Variants in ROBO1 observed in about 807,000 individuals in gnomAD.
ROBO1 encodes the protein roundabout homolog 1.
A neutral mutation model predicts 195.9 loss-of-function variants in ROBO1; 149 were observed. The observed-to-expected ratio is 0.76, with a 90% CI of 0.67 to 0.87. ROBO1 has a LOEUF of 0.87. ROBO1 is among the 40% of genes least tolerant of loss of function. The pLI, the probability that ROBO1 is intolerant of heterozygous loss-of-function variation, is 0.00. For missense variants in ROBO1, 1,933 were observed against 2,068.3 expected, an observed-to-expected ratio of 0.93 and a Z score of 1.27; for synonymous variants, 816 against 733.2, an observed-to-expected ratio of 1.11 and a Z score of -1.82.
At chr3:78,770,333 A>G (rs769821068) in intron 4 of ROBO1, among the ~76,000 whole-genome samples, 3 of 152,138 alleles carry the variant, frequency 2.0e-5, no homozygotes, top group Non-Finnish European at 4.4e-5. Flanking sequence ...ATGGTGTGAG[A>G]TGGTATCTCA....
At chr3:78,621,987 G>A (rs943157694) in intron 26 of ROBO1, among the ~76,000 whole-genome samples, 1 of 152,058 alleles carries the variant, frequency 6.6e-6, no homozygotes, top group African/African-American at 2.4e-5. Context: ...AATCAAACAA[G>A]TAAATGTTCA....
intron 4 of ROBO1, among the ~76,000 whole-genome samples, chr3:78,922,390 A>C (rs1444040394): frequency 6.6e-6 from 1 of 152,052 alleles, no homozygotes; most frequent in Admixed American, 6.6e-5. Context: ...AGGTCCTATC[A>C]TCAGGCTAAA....
intron 1 of ROBO1, among the ~76,000 whole-genome samples, chr3:79,647,922 C>A (rs981268029): frequency 5.3e-5 from 8 of 152,042 alleles, no homozygotes; most frequent in African/African-American, 1.9e-4. Flanking sequence ...GTGTCTAGCT[C>A]ACATTTATTT....
chr3:79,681,999 G>A (rs1946963180), intron 1 of ROBO1, among the ~76,000 whole-genome samples: 1 of 151,626 alleles, frequency 6.6e-6, no homozygotes, highest in African/African-American at 2.4e-5. Flanking sequence ...CAAACTTAGG[G>A]GCTTTAATTT....
chr3:78,932,215 C>T (rs920286787), intron 4 of ROBO1, among the ~76,000 whole-genome samples: 2 of 152,022 alleles, frequency 1.3e-5, no homozygotes, highest in Admixed American at 6.6e-5. Flanking sequence ...ACCAGATGCA[C>T]CTTCTCATTT....
At chr3:78,718,170 A>G (rs2081949327) in intron 5 of ROBO1, among the ~76,000 whole-genome samples, 2 of 152,200 alleles carry the variant, frequency 1.3e-5, no homozygotes, top group Admixed American at 1.3e-4. Flanking sequence ...GTTATTTCAT[A>G]TTATTTAGTT....
intron 1 of ROBO1, among the ~76,000 whole-genome samples, chr3:79,751,522 G>C (rs1704129941): frequency 6.6e-6 from 1 of 152,052 alleles, no homozygotes; most frequent in African/African-American, 2.4e-5. Context: ...ATTTAGCTAA[G>C]TGCTATTGTT....
intron 3 of ROBO1, among the ~76,000 whole-genome samples, chr3:79,005,213 T>C (rs2077592765): frequency 6.6e-6 from 1 of 152,198 alleles, no homozygotes; most frequent in Non-Finnish European, 1.5e-5. Flanking sequence ...TTACTGCACC[T>C]GACCTCTTCC....
chr3:79,089,859 A>G (rs2079442553), intron 3 of ROBO1, among the ~76,000 whole-genome samples: 1 of 151,890 alleles, frequency 6.6e-6, no homozygotes, highest in South Asian at 2.1e-4. Context: ...GGCGTTGTGT[A>G]TTCTTTTTCT....
At chr3:78,685,463 GT>G (rs3832209) in intron 10 of ROBO1, among the ~76,000 whole-genome samples, 43,018 of 151,946 alleles carry the variant, frequency 0.28, 6,466 homozygotes, top group African/African-American at 0.38. Flanking sequence ...AATATTTTTT[GT>G]TTTTCCAAAA....
Position 78,938,921 on chromosome 3 carries a change from C to A in ROBO1, c.179G>T (p.Arg60Leu). 1 of 1,604,080 alleles carries A rather than the reference C, an allele frequency of 6.2e-7. No homozygotes were observed. Among genetic ancestry groups the A allele is most frequent in the Non-Finnish European group, 8.5e-7 (1 of 1,174,920 alleles). Residue 60 changes from arginine to leucine, a missense_variant, in exon 4 of 31, where the codon CGT becomes CTT. Transcript: ENST00000464233. ...DDNSLGYTGSRLRQEDFPPRI... is the reference protein window; with the variant it reads ...DDNSLGYTGSLLRQEDFPPRI... ...AGGTGGAAAATCTTCCTGACGAAGA[C>A]GGGAGCCTGCAGAAGAATTCACAAA...
At chr3:79,345,232 T>C (rs1003310197) in intron 2 of ROBO1, among the ~76,000 whole-genome samples, 1 of 152,150 alleles carries the variant, frequency 6.6e-6, no homozygotes, top group African/African-American at 2.4e-5. Flanking sequence ...AATATATGCT[T>C]TGGATTTGGA....
intron 3 of ROBO1, among the ~76,000 whole-genome samples, chr3:78,944,671 C>T (rs907048567): frequency 2.0e-5 from 3 of 152,204 alleles, no homozygotes; most frequent in Non-Finnish European, 2.9e-5. Flanking sequence ...AGGTGCAGGA[C>T]AGTGGGTGCA....
intron 28 of ROBO1, among the ~76,000 whole-genome samples, chr3:78,610,573 A>G (rs1289103248): frequency 6.6e-6 from 1 of 152,168 alleles, no homozygotes; most frequent in African/African-American, 2.4e-5. Flanking sequence ...GACTGCCACT[A>G]TCATCAAATC....
intron 2 of ROBO1, among the ~76,000 whole-genome samples, chr3:79,492,036 T>TC (rs1250527653): frequency 1.3e-5 from 2 of 152,106 alleles, no homozygotes; most frequent in East Asian, 3.9e-4. Context: ...TTTGAGGTTT[T>TC]CACAAGAGAC....
At chr3:78,848,542 G>A (rs1014745807) in intron 4 of ROBO1, among the ~76,000 whole-genome samples, 1 of 152,104 alleles carries the variant, frequency 6.6e-6, no homozygotes, top group African/African-American at 2.4e-5. Context: ...AGCAACTCTT[G>A]TACAGCACAG....
chr3:78,857,359 A>AT lies in ROBO1; in HGVS notation c.499+81241dup, dbSNP rs1173415971. ...TGTCTTAAAAACTTAACATTTTAAA[A>AT]TTTTAAATGTTTTATGCTTTAGACA... On this transcript the variant is annotated intron_variant, in intron 4 of 30. Transcript: ENST00000464233. Among the ~76,000 whole-genome samples the AT allele has an allele frequency of 3.9e-5, 6 of 152,332 alleles. No individual in the cohort carries two copies. The South Asian group carries it at 1.0e-3, about 26-fold the overall frequency.
At chr3:78,865,192 A>T (rs2107060054) in intron 4 of ROBO1, among the ~76,000 whole-genome samples, 1 of 152,322 alleles carries the variant, frequency 6.6e-6, no homozygotes, top group South Asian at 2.1e-4. Flanking sequence ...TTTGAGCAGT[A>T]CTTAGGGGAA....
chr3:79,626,495 T>A (rs1945185586), intron 1 of ROBO1, among the ~76,000 whole-genome samples: 1 of 152,082 alleles, frequency 6.6e-6, no homozygotes, highest in South Asian at 2.1e-4. Flanking sequence ...TGATGGACCA[T>A]ATCTCAAAAT....
Sources: gnomAD v4.1 joint callset for allele counts (sites outside exome capture counted in the v4.1 genomes callset) on GRCh38, gnomAD v4.1.1 for gene constraint, MANE v1.5 for transcripts, NCBI Gene and HGNC (gene_info 2026-07-23, HGNC 2026-07-21) for gene names.